Variants in EFNA5 observed in about 807,000 individuals in gnomAD.
The protein encoded by EFNA5 is ephrin A5, also known as ephrin-A5.
Under a neutral mutation model 22.9 loss-of-function variants are expected in EFNA5, and 5 were observed. The observed-to-expected ratio is 0.22, with a 90% confidence interval of 0.11 to 0.46. The LOEUF is 0.46. EFNA5 is among the 20% of genes least tolerant of loss of function. The pLI is 0.99. For missense variants in EFNA5, 237 were observed against 293.3 expected (o/e 0.81, Z 1.40); for synonymous variants, 113 against 112.2 (o/e 1.01, Z -0.04).
chr5:107,661,444 T>C (rs1174564584), intron 1 of EFNA5, among the ~76,000 whole-genome samples: 3 of 152,218 alleles, frequency 2.0e-5, no homozygotes, highest in East Asian at 3.8e-4. Flanking sequence ...TCTCAAAGTG[T>C]CAGTCACTTC....
chr5:107,564,287 C>A (rs1402647761), intron 1 of EFNA5, among the ~76,000 whole-genome samples: 2 of 152,154 alleles, frequency 1.3e-5, no homozygotes, highest in Admixed American at 6.5e-5. Context: ...TGTCTTGGCT[C>A]CTAGCCTTCC....
At chr5:107,669,054 A>G (rs1751129324) in intron 1 of EFNA5, among the ~76,000 whole-genome samples, 1 of 151,752 alleles carries the variant, frequency 6.6e-6, no homozygotes, top group Non-Finnish European at 1.5e-5. Context: ...GATAGGGGGA[A>G]CTCCCTCCTG....
intron 1 of EFNA5, among the ~76,000 whole-genome samples, chr5:107,578,961 A>C (rs1449892039): frequency 6.6e-6 from 1 of 152,122 alleles, no homozygotes; most frequent in Non-Finnish European, 1.5e-5. Flanking sequence ...ACACAGTCAT[A>C]AGACAAAATT....
chr5:107,591,166 A>G (rs982664321), intron 1 of EFNA5, among the ~76,000 whole-genome samples: 4 of 152,204 alleles, frequency 2.6e-5, no homozygotes, highest in African/African-American at 9.7e-5. Flanking sequence ...AAAGGTCACA[A>G]AGAGCCCTCA....
chr5:107,421,682 A>G (rs1364680685), intron 2 of EFNA5, among the ~76,000 whole-genome samples: 2 of 152,206 alleles, frequency 1.3e-5, no homozygotes, highest in African/African-American at 4.8e-5. Context: ...TTCTCTAAAC[A>G]GTAGATGATG....
chr5:107,453,862 T>A (rs1303761580), intron 1 of EFNA5, among the ~76,000 whole-genome samples: 1 of 152,104 alleles, frequency 6.6e-6, no homozygotes, highest in African/African-American at 2.4e-5. Context: ...TGACTAATTG[T>A]CTCCCCTGAT....
intron 1 of EFNA5, among the ~76,000 whole-genome samples, chr5:107,655,945 G>A (rs1295257704): frequency 1.3e-5 from 2 of 152,120 alleles, no homozygotes; most frequent in African/African-American, 4.8e-5. Flanking sequence ...GAGTTCTCAA[G>A]CAGAGCGTCA....
rs1221778708 is a variant in EFNA5 at position 107,670,546 on chromosome 5, G to A, written c.68C>T (p.Pro23Leu). The A allele has an allele frequency of 2.5e-6, 4 of 1,593,888 alleles. No homozygotes were observed. Among genetic ancestry groups the A allele is most frequent in the East Asian group, 2.3e-5 (1 of 43,218 alleles). ...GCGGTCGGCGACGGCCTTGGAGCCC[G>A]GGTCCTGGCTGAACACACACATCCA... ...VLWMCVFSQD[P>L]GSKAVADRYA... is the part of the protein sequence containing the mutation. Residue 23 changes from proline to leucine, a missense_variant, in exon 1 of 5, where the codon CCG becomes CTG. By Grantham distance (98) the Pro-to-Leu change is moderately conservative (BLOSUM62 -3). Coordinates refer to ENST00000333274, the MANE Select transcript of EFNA5 (RefSeq NM_001962.3).
At chr5:107,622,970 G>C (rs1232002108) in intron 1 of EFNA5, among the ~76,000 whole-genome samples, 1 of 134,534 alleles carries the variant, frequency 7.4e-6, no homozygotes, top group Non-Finnish European at 1.5e-5. Context: ...GCAGTGAGCC[G>C]AGATTGCGCC....
intron 1 of EFNA5, among the ~76,000 whole-genome samples, chr5:107,481,036 T>C (rs1299701075): frequency 6.6e-6 from 1 of 152,194 alleles, no homozygotes; most frequent in Admixed American, 6.5e-5. Flanking sequence ...ACTGAGCTCC[T>C]ATTACATAGC....
chr5:107,565,995 G>A (rs1748659185), intron 1 of EFNA5, among the ~76,000 whole-genome samples: 1 of 152,144 alleles, frequency 6.6e-6, no homozygotes, highest in South Asian at 2.1e-4. Context: ...TGTCCCTCAG[G>A]AAGGCTGGCA....
At chr5:107,489,676 T>C (rs2112411723) in intron 1 of EFNA5, among the ~76,000 whole-genome samples, 1 of 133,210 alleles carries the variant, frequency 7.5e-6, no homozygotes, top group South Asian at 2.6e-4. Context: ...CCCACCAAGA[T>C]CTAACACTAA....
intron 1 of EFNA5, among the ~76,000 whole-genome samples, chr5:107,543,029 G>T (rs763558684): frequency 6.6e-6 from 1 of 152,076 alleles, no homozygotes; most frequent in Non-Finnish European, 1.5e-5. Flanking sequence ...CCCATTTACC[G>T]CACTATTTAC....
At chr5:107,662,411 C>T (rs1750981773) in intron 1 of EFNA5, among the ~76,000 whole-genome samples, 1 of 152,128 alleles carries the variant, frequency 6.6e-6, no homozygotes, top group Non-Finnish European at 1.5e-5. Context: ...GCTTTTACTG[C>T]AGTACATGAG....
chr5:107,487,673 C>A (rs564547723), intron 1 of EFNA5, among the ~76,000 whole-genome samples: 1 of 152,272 alleles, frequency 6.6e-6, no homozygotes, highest in South Asian at 2.1e-4. Flanking sequence ...TCATGAGCAG[C>A]AAAATGATAA....
chr5:107,631,777 T>A lies in EFNA5; in HGVS notation c.125+38712A>T, dbSNP rs1750260189. ...AAATGGGAGGGGGGAAATAAAGTTA[T>A]CAGAATAGTTTATCAAGGCTTTAGT... On this transcript the variant is annotated intron_variant, in intron 1 of 4. Coordinates refer to ENST00000333274, the MANE Select transcript of EFNA5 (RefSeq NM_001962.3). Among the ~76,000 whole-genome samples, 4 of 152,236 alleles carry A rather than the reference T, an allele frequency of 2.6e-5. No individual in the cohort carries two copies. The South Asian group carries it at 8.3e-4, about 31-fold the overall frequency.
intron 2 of EFNA5, among the ~76,000 whole-genome samples, chr5:107,395,052 T>TTTTTTTTTTTTTTTTA (rs1554056358): frequency 6.9e-6 from 1 of 144,196 alleles, no homozygotes; most frequent in African/African-American, 2.5e-5. Context: ...TTTTTTTTTT[T>TTTTTTTTTTTTTTTTA]CCGCGAGACA....
intron 1 of EFNA5, among the ~76,000 whole-genome samples, chr5:107,496,371 A>G (rs1056328365): frequency 9.3e-5 from 14 of 151,282 alleles, no homozygotes; most frequent in Non-Finnish European, 1.8e-4. Flanking sequence ...ACAAAAAACA[A>G]CAACTACCCA....
intron 2 of EFNA5, chr5:107,426,962 TA>T (rs1208912278): frequency 2.1e-4 from 84 of 399,454 alleles, no homozygotes; most frequent in South Asian, 2.8e-4. Context: ...AATTTTCATT[TA>T]AAAAAAATAC....
Sources: allele counts gnomAD v4.1 joint callset (sites outside exome capture counted in the v4.1 genomes callset), GRCh38; gene constraint gnomAD v4.1.1; transcripts MANE v1.5; gene names NCBI Gene and HGNC (gene_info 2026-07-23, HGNC 2026-07-21).